The following ANKUB1 variants were observed in gnomAD, a reference collection of about 807,000 sequenced individuals.
The protein encoded by ANKUB1 is protein ANKUB1.
ANKUB1 carries 42 observed loss-of-function variants against 49.3 expected under a neutral mutation model. That is an observed-to-expected ratio of 0.85 (90% CI 0.67 to 1.10). The LOEUF (loss-of-function observed/expected upper bound fraction) is 1.10, where lower values mean the gene tolerates loss of function less well. Among genes scored for constraint, ANKUB1 ranks in the 50% least tolerant of loss-of-function variants. ANKUB1 has a pLI of 0.00. For missense variants in ANKUB1, 613 were observed against 642.0 expected, an observed-to-expected ratio of 0.95 and a Z score of 0.49; for synonymous variants, 222 against 231.0, an observed-to-expected ratio of 0.96 and a Z score of 0.35.
rs1717068190 is a variant in ANKUB1, at chr3:149,767,254, T to C, written c.1408A>G (p.Ser470Gly). 11 of 1,551,528 alleles carry C rather than the reference T, an allele frequency of 7.1e-6. No individual in the cohort carries two copies. Among genetic ancestry groups the C allele is most frequent in the East Asian group, 2.4e-5 (1 of 40,934 alleles). ...SHPSFFYATPSADFLLKSSFS... is the reference protein window; with the variant it reads ...SHPSFFYATPGADFLLKSSFS... Reference sequence around the variant, plus strand: ...GAGGACTTCAGTAAAAAGTCAGCACTGGGTGTTGCATAGAAAAACGATGGA... The same window carrying C: ...GAGGACTTCAGTAAAAAGTCAGCACCGGGTGTTGCATAGAAAAACGATGGA... Residue 470 changes from serine to glycine, a missense_variant, in exon 5 of 6, where the codon AGT becomes GGT. Ser to Gly is a moderately conservative substitution (Grantham distance 56, BLOSUM62 0). Transcript: ENST00000446160.
intron 1 of ANKUB1, among the ~76,000 whole-genome samples, chr3:149,791,298 C>T (rs1718346954): frequency 6.6e-6 from 1 of 152,118 alleles, no homozygotes; most frequent in South Asian, 2.1e-4. Context: ...TTCTACTGAT[C>T]TGTATTTTGA....
chr3:149,776,719 G>T (rs938249454), intron 3 of ANKUB1, among the ~76,000 whole-genome samples: 11 of 152,122 alleles, frequency 7.2e-5, no homozygotes, highest in African/African-American at 2.7e-4. Context: ...CCAGCACTTT[G>T]GGAGGCCAAG....
chr3:149,775,706 G>A (rs1717561518), intron 3 of ANKUB1, among the ~76,000 whole-genome samples: 1 of 152,094 alleles, frequency 6.6e-6, no homozygotes, highest in Non-Finnish European at 1.5e-5. Flanking sequence ...TCACTCATTT[G>A]TTTAGGTACT....
At chr3:149,784,110 A>T (rs1385293166) in intron 2 of ANKUB1, among the ~76,000 whole-genome samples, 2 of 152,236 alleles carry the variant, frequency 1.3e-5, no homozygotes, top group Non-Finnish European at 2.9e-5. Flanking sequence ...TCTCTAACTT[A>T]TCTGATAAAC....
intron 3 of ANKUB1, among the ~76,000 whole-genome samples, chr3:149,772,219 C>T (rs1484862716): frequency 6.6e-6 from 1 of 152,064 alleles, no homozygotes; most frequent in Non-Finnish European, 1.5e-5. Flanking sequence ...AGGGGTTTCA[C>T]CATGTTGGTC....
intron 5 of ANKUB1, chr3:149,766,524 G>A: frequency 3.5e-6 from 1 of 285,648 alleles, no homozygotes; most frequent in Non-Finnish European, 6.9e-6. Context: ...AGCAGGCTAG[G>A]CACAGTGGTT....
chr3:149,789,442 G>T (rs1280420003), intron 2 of ANKUB1, among the ~76,000 whole-genome samples: 3 of 152,090 alleles, frequency 2.0e-5, no homozygotes, highest in Non-Finnish European at 1.5e-5. Context: ...AAGACATTAA[G>T]AAGTGGCTGG....
In ANKUB1 at chr3:149,784,158, G is replaced by A. The variant is rs548316261; in HGVS notation, c.235-3703C>T. Among the ~76,000 whole-genome samples the A allele has an allele frequency of 1.1e-4, 16 of 152,218 alleles. No homozygotes were observed. In the South Asian group the frequency reaches 2.9e-3, roughly 28 times the overall value. On this transcript the variant is annotated intron_variant, in intron 2 of 5. Coordinates refer to ENST00000446160, the MANE Select transcript of ANKUB1 (RefSeq NM_001144960.3). The stretch of plus-strand genomic sequence containing the variant: ...GTACTACAGTTAACTCAATCTCTCA[G>A]CATAAAACAACTTTTCACAACATTC...
At chr3:149,769,498 T>C (rs1464506) in intron 4 of ANKUB1, among the ~76,000 whole-genome samples, 1,968 of 152,338 alleles carry the variant, frequency 0.013, 34 homozygotes, top group African/African-American at 0.044. Flanking sequence ...TGACTTATTA[T>C]AGAGTTACGT....
chr3:149,786,352 T>A (rs1383275163), intron 2 of ANKUB1, among the ~76,000 whole-genome samples: 1 of 152,230 alleles, frequency 6.6e-6, no homozygotes, highest in African/African-American at 2.4e-5. Flanking sequence ...CATTTTTTCA[T>A]GTGTCTTTTG....
chr3:149,764,017 C>T, intron 5 of ANKUB1: 1 of 456,256 alleles, frequency 2.2e-6, no homozygotes, highest in South Asian at 1.5e-5. Flanking sequence ...CTGATGGTCA[C>T]TTTACCCACC....
chr3:149,766,817 AAGCAGCAGCAGCAGCAGCAGCAGCAGC>A (rs11268295), intron 5 of ANKUB1: 11,124 of 898,928 alleles, frequency 0.012, 604 homozygotes, highest in African/African-American at 0.11. Context: ...GAAAAAAGAA[AAGCAGCAGCAGCAGCAGCAGCAGCAGC>A]AGCAGCAGCA....
intron 3 of ANKUB1, among the ~76,000 whole-genome samples, chr3:149,776,547 T>TA (rs34882984): frequency 9.9e-5 from 15 of 151,972 alleles, no homozygotes; most frequent in East Asian, 1.9e-4. Flanking sequence ...GTAACTTTTT[T>TA]AAAAAAAAGT....
rs1182291812 is a variant in ANKUB1, at chr3:149,792,439, G to A, written c.-73C>T. 2.4e-5 allele frequency: 30 copies of A among 1,233,536 alleles called. No homozygotes were observed. The highest frequency in any genetic ancestry group is 3.5e-5 in the South Asian group (2 of 57,196). The allele number at this position is 1,233,536 out of a possible 1,614,324, so 76.4% of individuals were successfully genotyped here. A position where few individuals can be genotyped will look rare whatever the true frequency, so the allele number is the denominator to read the frequency against. On this transcript the variant is annotated 5_prime_UTR_variant, in exon 1 of 6. Coordinates refer to ENST00000446160, the MANE Select transcript of ANKUB1 (RefSeq NM_001144960.3). ...TCTCCTGGATGGCTAGAAAAATTCCGGTTCACAATTAAGGACAAAAATGAT... is the reference window on the plus strand; with the variant it reads ...TCTCCTGGATGGCTAGAAAAATTCCAGTTCACAATTAAGGACAAAAATGAT...
intron 1 of ANKUB1, among the ~76,000 whole-genome samples, chr3:149,791,940 T>C (rs956211553): frequency 6.6e-6 from 1 of 152,236 alleles, no homozygotes; most frequent in Non-Finnish European, 1.5e-5. Context: ...GTCCCACGTA[T>C]ATAGCCTGAA....
At chr3:149,766,943 G>A (rs1717052918) in intron 5 of ANKUB1, 4 of 1,081,770 alleles carry the variant, frequency 3.7e-6, no homozygotes, top group South Asian at 2.7e-5. Context: ...GAAAGTTTGA[G>A]GAGTAAAGTA....
chr3:149,773,640 A>T (rs953827224), intron 3 of ANKUB1, among the ~76,000 whole-genome samples: 2 of 152,364 alleles, frequency 1.3e-5, no homozygotes, highest in Admixed American at 6.5e-5. Flanking sequence ...TGCACTGGAA[A>T]CAAAGGACTT....
chr3:149,792,447 A>G lies in ANKUB1; in HGVS notation c.-81T>C. 1 of 1,133,592 alleles carries G rather than the reference A, an allele frequency of 8.8e-7. No individual in the cohort carries two copies. The highest frequency in any genetic ancestry group is 1.2e-6 in the Non-Finnish European group (1 of 831,704). The allele number at this position is 1,133,592 out of a possible 1,614,324, so 70.2% of individuals were successfully genotyped here. On this transcript the variant is annotated 5_prime_UTR_variant, in exon 1 of 6. Transcript: ENST00000446160. Reference sequence around the variant, plus strand: ...ATGGCTAGAAAAATTCCGGTTCACAATTAAGGACAAAAATGATAGCCAGAG... The same window carrying G: ...ATGGCTAGAAAAATTCCGGTTCACAGTTAAGGACAAAAATGATAGCCAGAG...
intron 3 of ANKUB1, among the ~76,000 whole-genome samples, chr3:149,776,925 T>C (rs2108271966): frequency 6.6e-6 from 1 of 151,886 alleles, no homozygotes; most frequent in East Asian, 1.9e-4. Flanking sequence ...TGCAGTAAGC[T>C]GAGGTTGTGC....
Sources: gnomAD v4.1 joint callset for allele counts (sites outside exome capture counted in the v4.1 genomes callset) on GRCh38, gnomAD v4.1.1 for gene constraint, MANE v1.5 for transcripts, NCBI Gene and HGNC (gene_info 2026-07-23, HGNC 2026-07-21) for gene names.